MTCL3: variants seen among roughly 807,000 people sequenced by gnomAD.
The protein encoded by MTCL3 is MTCL family member 3, also known as microtubule cross-linking factor 3.
At chr6:127,507,619 G>A in the MTCL3 span, among the ~76,000 whole-genome samples, 3 of 151,774 alleles carry the variant, frequency 2.0e-5, no homozygotes, top group South Asian at 4.2e-4. Context: ...CGAGGTGGGC[G>A]GATCACAAGA....
the MTCL3 span, among the ~76,000 whole-genome samples, chr6:127,483,422 G>A: frequency 2.0e-5 from 3 of 152,134 alleles, no homozygotes; most frequent in Non-Finnish European, 4.4e-5. Flanking sequence ...ATGTAGAATC[G>A]GAAGCACTTC....
chr6:127,504,822 A>G, the MTCL3 span, among the ~76,000 whole-genome samples: 2 of 152,234 alleles, frequency 1.3e-5, no homozygotes, highest in Non-Finnish European at 2.9e-5. Context: ...AAATTTCAAT[A>G]ATAACAAAAT....
the MTCL3 span, among the ~76,000 whole-genome samples, chr6:127,507,842 CAAAAAAAAAAA>C: frequency 1.2e-5 from 1 of 82,088 alleles, no homozygotes; most frequent in Non-Finnish European, 2.2e-5. Flanking sequence ...GACTATGTCT[CAAAAAAAAAAA>C]AAAAAAAAAA....
At chr6:127,494,354 C>T in the MTCL3 span, among the ~76,000 whole-genome samples, 3 of 151,636 alleles carry the variant, frequency 2.0e-5, no homozygotes, top group African/African-American at 7.3e-5. Flanking sequence ...GCTTAAAAAC[C>T]ATAGGATATC....
chr6:127,476,058 C>G, the MTCL3 span: 32 of 1,613,070 alleles, frequency 2.0e-5, no homozygotes, highest in Admixed American at 3.3e-5. The surrounding 1 kb of genome is among the most constrained non-coding windows in gnomAD (Gnocchi z 4.4). Flanking sequence ...GCAGCAGCTC[C>G]GTCTCGTCTT....
At chr6:127,515,550 C>G in the MTCL3 span, 2 of 1,468,294 alleles carry the variant, frequency 1.4e-6, no homozygotes, top group Non-Finnish European at 1.8e-6. This position sits in a 1 kb window ranked among gnomAD's most constrained non-coding sequence, Gnocchi z 4.3. Context: ...GCTTCTCCAT[C>G]TCCTCTTGCA....
the MTCL3 span, among the ~76,000 whole-genome samples, chr6:127,505,330 A>G: frequency 6.6e-6 from 1 of 152,256 alleles, no homozygotes; most frequent in African/African-American, 2.4e-5. Context: ...ATGGAATAGT[A>G]TGCAGCCATA....
chr6:127,516,384 C>T, the MTCL3 span: 1 of 1,600,242 alleles, frequency 6.2e-7, no homozygotes, highest in Non-Finnish European at 8.5e-7. Context: ...GCTGTTGCTG[C>T]TGCTGCAGCT....
At chr6:127,484,642 A>G in the MTCL3 span, among the ~76,000 whole-genome samples, 8 of 152,288 alleles carry the variant, frequency 5.3e-5, no homozygotes, top group African/African-American at 1.7e-4. Flanking sequence ...CATACCTGTG[A>G]CACAATAATA....
chr6:127,474,828 C>G, the MTCL3 span, among the ~76,000 whole-genome samples: 1 of 152,198 alleles, frequency 6.6e-6, no homozygotes, highest in Non-Finnish European at 1.5e-5. Flanking sequence ...ATCCACCCTC[C>G]TCGGCCTCCT....
chr6:127,518,697 C>T, the MTCL3 span: 1 of 152,222 alleles, frequency 6.6e-6, no homozygotes, highest in Non-Finnish European at 1.5e-5. Flanking sequence ...AGTTCAACTT[C>T]ATATTATTGT....
At chr6:127,492,443 A>G in the MTCL3 span, among the ~76,000 whole-genome samples, 1 of 152,234 alleles carries the variant, frequency 6.6e-6, no homozygotes, top group South Asian at 2.1e-4. Context: ...TGAGAAGGTT[A>G]TCAAACACAA....
chr6:127,502,917 C>A, the MTCL3 span, among the ~76,000 whole-genome samples: 4 of 152,164 alleles, frequency 2.6e-5, no homozygotes, highest in Non-Finnish European at 2.9e-5. Flanking sequence ...AATTGACAGA[C>A]CTGAAAACAC....
At chr6:127,476,982 G>C in the MTCL3 span, among the ~76,000 whole-genome samples, 1 of 152,196 alleles carries the variant, frequency 6.6e-6, no homozygotes, top group South Asian at 2.1e-4. The surrounding 1 kb of genome is among the most constrained non-coding windows in gnomAD (Gnocchi z 4.4). Flanking sequence ...TTCAGTAACC[G>C]TTCGAAGGTT....
the MTCL3 span, chr6:127,512,993 C>T: frequency 6.2e-7 from 1 of 1,611,702 alleles, no homozygotes; most frequent in Non-Finnish European, 8.5e-7. Context: ...TTGTTGTTCT[C>T]TTTTCTTCCA....
the MTCL3 span, among the ~76,000 whole-genome samples, chr6:127,507,867 A>G: frequency 8.8e-4 from 133 of 150,364 alleles, 4 homozygotes; most frequent in East Asian, 0.023. Flanking sequence ...AAAAAAAAAA[A>G]AAAGAAAAAA....
the MTCL3 span, chr6:127,516,815 A>T: frequency 1.1e-6 from 1 of 886,114 alleles, no homozygotes; most frequent in African/African-American, 1.7e-5. Context: ...CTTTAGGAAT[A>T]GGATGCAGGG....
At chr6:127,473,486 T>C in the MTCL3 span, 1 of 968,198 alleles carries the variant, frequency 1.0e-6, no homozygotes, top group African/African-American at 1.8e-5. Context: ...GTCATTCAAC[T>C]TAAAAAAGAA....
At chr6:127,476,061 C>T in the MTCL3 span, 1 of 1,613,314 alleles carries the variant, frequency 6.2e-7, no homozygotes, top group African/African-American at 1.3e-5. This position sits in a 1 kb window ranked among gnomAD's most constrained non-coding sequence, Gnocchi z 4.4. Flanking sequence ...GCAGCTCCGT[C>T]TCGTCTTCCA....
Sources: gnomAD v4.1 joint callset for allele counts (sites outside exome capture counted in the v4.1 genomes callset) on GRCh38, gnomAD v4.1.1 for gene constraint, Gnocchi (gnomAD v3.1) non-coding constraint, MANE v1.5 for transcripts, NCBI Gene and HGNC (gene_info 2026-07-23, HGNC 2026-07-21) for gene names.